Variants in ESCO1 observed in about 807,000 individuals in gnomAD.
ESCO1 encodes N-acetyltransferase ESCO1.
A neutral mutation model predicts 83.5 loss-of-function variants in ESCO1; 33 were observed. That is an observed-to-expected ratio of 0.40 (90% confidence interval 0.30 to 0.53). The LOEUF (loss-of-function observed/expected upper bound fraction) is 0.53. ESCO1 is among the 20% of genes least tolerant of loss of function. ESCO1 has a pLI of 0.63. For missense variants in ESCO1, 855 were observed against 968.0 expected, an observed-to-expected ratio of 0.88 and a Z score of 1.55; for synonymous variants, 332 against 324.3, an observed-to-expected ratio of 1.02 and a Z score of -0.25.
chr18:21,531,142 CAA>C (rs892143031), intron 11 of ESCO1, among the ~76,000 whole-genome samples: 1 of 151,910 alleles, frequency 6.6e-6, no homozygotes, highest in African/African-American at 2.4e-5. Context: ...ATAATAACAT[CAA>C]AAAAAATTAA....
At chr18:21,582,172 C>T (rs1448354532) in intron 2 of ESCO1, among the ~76,000 whole-genome samples, 7 of 150,832 alleles carry the variant, frequency 4.6e-5, no homozygotes, top group African/African-American at 1.7e-4. Flanking sequence ...AGAAAATGTT[C>T]AAGAAAAATG....
At chr18:21,532,862 T>C (rs1413485804) in intron 10 of ESCO1, among the ~76,000 whole-genome samples, 1 of 152,220 alleles carries the variant, frequency 6.6e-6, no homozygotes, top group Non-Finnish European at 1.5e-5. Context: ...ACCATGAAAG[T>C]AAGTTACAAT....
At chr18:21,533,391 G>T (rs187950567) in intron 10 of ESCO1, among the ~76,000 whole-genome samples, 1,584 of 152,108 alleles carry the variant, frequency 0.01, 11 homozygotes, top group Non-Finnish European at 0.017. Flanking sequence ...TGCCTCCTGG[G>T]TTCAAGAGAT....
chr18:21,570,771 G>C (rs1215547511), intron 4 of ESCO1, among the ~76,000 whole-genome samples: 1 of 152,052 alleles, frequency 6.6e-6, no homozygotes, highest in Non-Finnish European at 1.5e-5. Flanking sequence ...GAGGTCAGGA[G>C]ATCGAGACCA....
At chr18:21,596,016 A>C (rs1031396582) in intron 1 of ESCO1, among the ~76,000 whole-genome samples, 10 of 151,768 alleles carry the variant, frequency 6.6e-5, no homozygotes, top group African/African-American at 1.9e-4. Flanking sequence ...AAAAAGAATA[A>C]TACTTGTCAC....
chr18:21,554,889 C>A (rs984682962), intron 8 of ESCO1, among the ~76,000 whole-genome samples: 1 of 151,700 alleles, frequency 6.6e-6, no homozygotes, highest in Non-Finnish European at 1.5e-5. Flanking sequence ...GCCTGGGGGA[C>A]AGAGTGAGGC....
rs1185169707 is a variant in ESCO1 at position 21,535,565 on chromosome 18, G to A, written c.2187+477C>T. Among the ~76,000 whole-genome samples the A allele has an allele frequency of 2.0e-5, 3 of 152,196 alleles. No homozygotes were observed. In the East Asian group the frequency reaches 5.8e-4, roughly 29 times the overall value. On this transcript the variant is annotated intron_variant, in intron 10 of 11. Coordinates refer to ENST00000269214, the MANE Select transcript of ESCO1 (RefSeq NM_052911.3). The stretch of plus-strand genomic sequence containing the variant: ...GCCAGGCTCATTTTTTGTATTTTCA[G>A]TAGAGAAAGGGTTTCACCGTATTAG...
At chr18:21,569,829 G>A (rs529248608) in intron 4 of ESCO1, among the ~76,000 whole-genome samples, 4 of 152,172 alleles carry the variant, frequency 2.6e-5, no homozygotes, top group African/African-American at 7.2e-5. Flanking sequence ...CCAGCCTGGC[G>A]ACAGAGCAAG....
chr18:21,574,046 A>C lies in ESCO1; in HGVS notation c.798T>G (p.Val266=). ...TTGTGTTAGTATTCACTTGTGTATG[A>C]ACCGACTTCTTCATCTCATTCTTTT... ...VPKKNEMKKS[V]HTQVNTNTTL... Residue 266 remains valine (V), a synonymous_variant, in exon 4 of 12, where the codon GTT becomes GTG. Transcript: ENST00000269214. 6 of 1,612,932 alleles carry C rather than the reference A, an allele frequency of 3.7e-6. No homozygotes were observed. The highest frequency in any genetic ancestry group is 5.1e-6 in the Non-Finnish European group (6 of 1,180,000).
chr18:21,567,324 T>C (rs1171343535), intron 5 of ESCO1, among the ~76,000 whole-genome samples: 6 of 152,062 alleles, frequency 3.9e-5, no homozygotes, highest in African/African-American at 1.4e-4. Context: ...GCCTTGCTAA[T>C]TTTTTTAGTA....
intron 2 of ESCO1, among the ~76,000 whole-genome samples, chr18:21,582,968 A>G: frequency 6.6e-6 from 1 of 152,098 alleles, no homozygotes; most frequent in Non-Finnish European, 1.5e-5. Context: ...AAGGTGTGCG[A>G]ATCACCTGAG....
intron 11 of ESCO1, among the ~76,000 whole-genome samples, chr18:21,531,417 CA>C (rs2037765222): frequency 6.6e-6 from 1 of 151,252 alleles, no homozygotes; most frequent in Non-Finnish European, 1.5e-5. Context: ...GCCTGGGTGA[CA>C]AAGTGAGATG....
At chr18:21,570,949 C>T (rs186778316) in intron 4 of ESCO1, among the ~76,000 whole-genome samples, 40 of 146,534 alleles carry the variant, frequency 2.7e-4, no homozygotes, top group Middle Eastern at 3.8e-3. Flanking sequence ...GCACTCCAGC[C>T]GGGGTGACAG....
chr18:21,573,105 G>A (rs6508481), intron 4 of ESCO1, among the ~76,000 whole-genome samples: 48,380 of 151,966 alleles, frequency 0.32, 10,557 homozygotes, highest in African/African-American at 0.59. Context: ...TAAAAATGAG[G>A]AAACAATGAG....
chr18:21,592,541 G>A (rs1394524867), intron 1 of ESCO1, among the ~76,000 whole-genome samples: 1 of 149,476 alleles, frequency 6.7e-6, no homozygotes, highest in Non-Finnish European at 1.5e-5. Flanking sequence ...CAGGGCGGCT[G>A]GCCGGGCGGG....
chr18:21,584,901 T>G (rs1246662580), intron 1 of ESCO1, among the ~76,000 whole-genome samples: 1 of 151,898 alleles, frequency 6.6e-6, no homozygotes, highest in African/African-American at 2.4e-5. Context: ...TCCCAGAACT[T>G]TGGGAGGCCG....
intron 8 of ESCO1, among the ~76,000 whole-genome samples, chr18:21,541,849 C>T (rs889723922): frequency 3.9e-5 from 6 of 152,148 alleles, no homozygotes; most frequent in African/African-American, 1.4e-4. Context: ...TCTTCCTGAA[C>T]TGAATCATCT....
intron 7 of ESCO1, among the ~76,000 whole-genome samples, chr18:21,563,504 C>T (rs1033332389): frequency 4.6e-5 from 7 of 152,054 alleles, no homozygotes; most frequent in East Asian, 1.9e-4. Flanking sequence ...TCTGCCACCA[C>T]GCCTGGCTAA....
At chr18:21,563,919 TAAA>T (rs11453582) in intron 7 of ESCO1, among the ~76,000 whole-genome samples, 21 of 142,366 alleles carry the variant, frequency 1.5e-4, no homozygotes, top group Admixed American at 2.1e-4. Context: ...TGAGCAGGGT[TAAA>T]AAAAAAAAAA....
Sources: allele counts gnomAD v4.1 joint callset (sites outside exome capture counted in the v4.1 genomes callset), GRCh38; gene constraint gnomAD v4.1.1; transcripts MANE v1.5; gene names NCBI Gene and HGNC (gene_info 2026-07-23, HGNC 2026-07-21).